Variants in THSD7A observed in about 807,000 individuals in gnomAD.
The protein encoded by THSD7A is thrombospondin type 1 domain containing 7A, also known as thrombospondin type-1 domain-containing protein 7A.
A neutral mutation model predicts 231.3 loss-of-function variants in THSD7A; 96 were observed. The ratio of observed to expected loss-of-function variants is 0.41; its 90% CI spans 0.35 to 0.49. THSD7A has a LOEUF of 0.49. Among genes scored for constraint, THSD7A ranks in the 20% least tolerant of loss-of-function variants. The pLI, the probability that THSD7A is intolerant of heterozygous loss-of-function variation, is 0.05. For missense variants in THSD7A, 2,290 were observed against 2,070.2 expected, an observed-to-expected ratio of 1.11 and a Z score of -2.06; for synonymous variants, 940 against 743.3, an observed-to-expected ratio of 1.26 and a Z score of -4.30.
chr7:11,498,012 G>A (rs1320962355), intron 6 of THSD7A, among the ~76,000 whole-genome samples: 1 of 152,154 alleles, frequency 6.6e-6, no homozygotes, highest in Non-Finnish European at 1.5e-5. Flanking sequence ...TAGCTATGTG[G>A]AGTCTTGGCA....
At chr7:11,788,234 C>A (rs190199990) in intron 1 of THSD7A, among the ~76,000 whole-genome samples, 1 of 152,042 alleles carries the variant, frequency 6.6e-6, no homozygotes. Context: ...TTTTTAGTAT[C>A]TTCCTTCCAC....
chr7:11,719,011 AAAG>A (rs1188317851), intron 1 of THSD7A, among the ~76,000 whole-genome samples: 1 of 151,678 alleles, frequency 6.6e-6, no homozygotes, highest in Non-Finnish European at 1.5e-5. Flanking sequence ...GCCATTGAAA[AAAG>A]AAGAGCAGGA....
chr7:11,411,132 GTCACTTGGC>G lies in THSD7A; in HGVS notation c.3798+66_3798+74del. Reference sequence around the variant, plus strand: ...TGGCAATGAGCTGCATGGAGCACGGGTCACTTGGCTCAGCATGAATTGAAATTATTAGGG... The same window carrying G: ...TGGCAATGAGCTGCATGGAGCACGGGTCAGCATGAATTGAAATTATTAGGG... On this transcript the variant is annotated intron_variant, in intron 19 of 27. Coordinates refer to ENST00000423059, the MANE Select transcript of THSD7A (RefSeq NM_015204.3). The surrounding 1 kb of genome is among the most constrained non-coding windows in gnomAD (Gnocchi z 4.1). 9.0e-7 allele frequency: 1 copy of G among 1,109,468 alleles called. No individual in the cohort carries two copies. Among genetic ancestry groups the G allele is most frequent in the Non-Finnish European group, 1.3e-6 (1 of 745,242 alleles). The allele number at this position is 1,109,468 out of a possible 1,614,324, so 68.7% of individuals were successfully genotyped here.
In THSD7A at chr7:11,576,003, G is replaced by A. The variant is rs559407087; in HGVS notation, c.1453+14457C>T. Reference sequence around the variant, plus strand: ...TTCTCATTTACAACTGGTTTCTGTTGCCTAATGGGCACTGCAAATTTCACG... The same window carrying A: ...TTCTCATTTACAACTGGTTTCTGTTACCTAATGGGCACTGCAAATTTCACG... On this transcript the variant is annotated intron_variant, in intron 4 of 27. Transcript: ENST00000423059. 2.0e-5 allele frequency among the ~76,000 whole-genome samples: 3 copies of A among 152,224 alleles called. No individual in the cohort carries two copies. The South Asian group carries it at 6.2e-4, about 32-fold the overall frequency.
rs1445606772 is a variant in THSD7A, at chr7:11,769,121, CAATATATATATATATA to C, written c.190+62620_190+62635del. On this transcript the variant is annotated intron_variant, in intron 1 of 27. Transcript: ENST00000423059. Reference sequence around the variant, plus strand: ...TACAGGCACCTGCCATAATTCCTGGCAATATATATATATATATATATATATATATATATTTTTTTTT... The same window carrying C: ...TACAGGCACCTGCCATAATTCCTGGCTATATATATATATATATTTTTTTTT... Among the ~76,000 whole-genome samples, 28 of 55,986 alleles carry C rather than the reference CAATATATATATATATA, an allele frequency of 5.0e-4. 1 individual carries two copies. Among genetic ancestry groups the C allele is most frequent in the Admixed American group, 7.9e-4 (3 of 3,780 alleles). 36.7% of individuals were successfully genotyped at this position (55,986 alleles called of 152,430 possible).
intron 4 of THSD7A, among the ~76,000 whole-genome samples, chr7:11,549,549 C>G (rs1190239289): frequency 1.3e-5 from 2 of 151,986 alleles, no homozygotes; most frequent in African/African-American, 4.8e-5. Context: ...CAATGATAGA[C>G]TGGATAAAGA....
At position 11,816,294 on chromosome 7, in the gene THSD7A, C is replaced by G. The variant is rs980083793; in HGVS notation, c.190+15463G>C. Among the ~76,000 whole-genome samples the G allele has an allele frequency of 2.6e-5, 4 of 152,264 alleles. No homozygotes were observed. In the East Asian group the frequency reaches 7.7e-4, roughly 29 times the overall value. Reference sequence around the variant, plus strand: ...CTGGGGAATAAAAGGTCACTTAATTCAGACTGTGAATGGAGTCCCCTAAAA... The same window carrying G: ...CTGGGGAATAAAAGGTCACTTAATTGAGACTGTGAATGGAGTCCCCTAAAA... On this transcript the variant is annotated intron_variant, in intron 1 of 27. Coordinates refer to ENST00000423059, the MANE Select transcript of THSD7A (RefSeq NM_015204.3).
At chr7:11,471,998 T>C (rs922441186) in intron 8 of THSD7A, among the ~76,000 whole-genome samples, 1 of 152,132 alleles carries the variant, frequency 6.6e-6, no homozygotes. Flanking sequence ...AATGTTATCA[T>C]TGACAACCTC....
intron 2 of THSD7A, among the ~76,000 whole-genome samples, chr7:11,614,936 T>A (rs1312133306): frequency 6.6e-6 from 1 of 152,180 alleles, no homozygotes; most frequent in Non-Finnish European, 1.5e-5. Flanking sequence ...TTCAATAATA[T>A]GTTGATGATG....
intron 1 of THSD7A, among the ~76,000 whole-genome samples, chr7:11,700,521 A>G (rs1278850370): frequency 6.6e-6 from 1 of 151,284 alleles, no homozygotes; most frequent in East Asian, 2.0e-4. Flanking sequence ...AAAATACTTA[A>G]TATATAACAA....
chr7:11,720,478 C>T (rs967197146), intron 1 of THSD7A, among the ~76,000 whole-genome samples: 1 of 151,726 alleles, frequency 6.6e-6, no homozygotes, highest in African/African-American at 2.4e-5. Context: ...GGCTCCTTTC[C>T]ATCAGCCTTT....
At chr7:11,485,757 G>T (rs956003328) in intron 6 of THSD7A, among the ~76,000 whole-genome samples, 10 of 152,130 alleles carry the variant, frequency 6.6e-5, no homozygotes, top group Non-Finnish European at 1.2e-4. Flanking sequence ...AAGAAGTCAA[G>T]AAACAGGCAC....
chr7:11,657,899 TA>T, intron 1 of THSD7A, among the ~76,000 whole-genome samples: 1 of 151,782 alleles, frequency 6.6e-6, no homozygotes. Flanking sequence ...GATTCTGAAT[TA>T]AAAATAATAT....
intron 3 of THSD7A, among the ~76,000 whole-genome samples, chr7:11,591,952 A>G (rs993850154): frequency 2.0e-5 from 3 of 152,214 alleles, no homozygotes; most frequent in African/African-American, 7.2e-5. Context: ...GCTTCCCCCC[A>G]AAAAGGGCAT....
intron 1 of THSD7A, among the ~76,000 whole-genome samples, chr7:11,712,924 T>A (rs1048316022): frequency 1.3e-5 from 2 of 151,230 alleles, no homozygotes; most frequent in African/African-American, 4.8e-5. Context: ...CTTAAGTATC[T>A]TCCAATTAAA....
intron 1 of THSD7A, among the ~76,000 whole-genome samples, chr7:11,730,463 A>G (rs1460506351): frequency 6.6e-6 from 1 of 151,606 alleles, no homozygotes; most frequent in Non-Finnish European, 1.5e-5. Context: ...AATACAGTTA[A>G]AGCGTTATTT....
rs1057369441 is a variant in THSD7A at position 11,634,821 on chromosome 7, G to A, written c.1022+1309C>T. 2.0e-5 allele frequency among the ~76,000 whole-genome samples: 3 copies of A among 152,032 alleles called. No individual in the cohort carries two copies. The highest frequency in any genetic ancestry group is 7.2e-5 in the African/African-American group (3 of 41,382). Reference sequence around the variant, plus strand: ...AACCAGAACTCTATGATGAGAGAAAGTTATTGTCTTAGACAGACCAATCAA... The same window carrying A: ...AACCAGAACTCTATGATGAGAGAAAATTATTGTCTTAGACAGACCAATCAA... On this transcript the variant is annotated intron_variant, in intron 2 of 27. Coordinates refer to ENST00000423059, the MANE Select transcript of THSD7A (RefSeq NM_015204.3). The surrounding 1 kb of genome is among the most constrained non-coding windows in gnomAD (Gnocchi z 4.1).
In THSD7A at chr7:11,657,830, C is replaced by G. The variant is rs115265987; in HGVS notation, c.191-20869G>C. 9.5e-3 allele frequency among the ~76,000 whole-genome samples: 1,449 copies of G among 151,816 alleles called. 29 individuals carry two copies. The highest frequency in any genetic ancestry group is 0.034 in the African/African-American group (1,397 of 41,476). On this transcript the variant is annotated intron_variant, in intron 1 of 27. Transcript: ENST00000423059. ...AATTGGTATTGCTCCTTAATAAATT[C>G]TTGGTGAACTGCAAGAATGAGCAGA...
At chr7:11,675,568 G>C (rs527300084) in intron 1 of THSD7A, among the ~76,000 whole-genome samples, 17 of 152,300 alleles carry the variant, frequency 1.1e-4, no homozygotes, top group Admixed American at 8.5e-4. Context: ...GGATGCTCCA[G>C]CTTGGTGGGG....
Sources: gnomAD v4.1 joint callset for allele counts (sites outside exome capture counted in the v4.1 genomes callset) on GRCh38, gnomAD v4.1.1 for gene constraint, Gnocchi (gnomAD v3.1) non-coding constraint, MANE v1.5 for transcripts, NCBI Gene and HGNC (gene_info 2026-07-23, HGNC 2026-07-21) for gene names.